The following OTUD5 variants were observed in gnomAD, a reference collection of about 807,000 sequenced individuals.
OTUD5 encodes the protein OTU domain-containing protein 5.
Under a neutral mutation model 36.3 loss-of-function variants are expected in OTUD5, and 2 were observed. That is an observed-to-expected ratio of 0.06 (90% CI 0.02 to 0.17). OTUD5 has a LOEUF of 0.17. Among genes scored for constraint, OTUD5 ranks in the 10% least tolerant of loss-of-function variants. OTUD5 has a pLI of 1.00. For missense variants in OTUD5, 233 were observed against 512.3 expected (o/e 0.45, Z 5.26); for synonymous variants, 234 against 214.9 (o/e 1.09, Z -0.78).
chrX:48,932,064 G>A (rs1396748702), intron 5 of OTUD5, among the ~76,000 whole-genome samples: 8 of 105,459 alleles, frequency 7.6e-5, no homozygotes, highest in Non-Finnish European at 1.5e-4. Flanking sequence ...CAAGAGAATT[G>A]CTTGAACCCG....
At chrX:48,956,933 T>C (rs1557055495) in intron 1 of OTUD5, 44 bp downstream of exon 1, 2 of 1,083,940 alleles carry the variant, frequency 1.8e-6, no homozygotes, top group Admixed American at 6.6e-5. Flanking sequence ...AGTCTGGGGG[T>C]CCCATCTGCC....
chrX:48,925,432 G>A (rs782613816), intron 6 of OTUD5, among the ~76,000 whole-genome samples: 1 of 110,681 alleles, frequency 9.0e-6, no homozygotes, highest in Admixed American at 9.6e-5. Flanking sequence ...ACTAACCGGA[G>A]CCCCCACCTC....
chrX:48,930,266 G>C (rs1235325502), intron 5 of OTUD5, among the ~76,000 whole-genome samples: 2 of 111,922 alleles, frequency 1.8e-5, no homozygotes, highest in Non-Finnish European at 3.8e-5. Context: ...TTCCCACGGG[G>C]GTACGGGTGA....
Position 48,922,841 on chromosome X carries a change from G to A in OTUD5, c.*333C>T, listed in dbSNP as rs2063601996. On this transcript the variant is annotated 3_prime_UTR_variant, in exon 9 of 9. Transcript: ENST00000376488. ...TGTCTGAATGTCTCTCTCCTCTGGG[G>A]CTGCCTGGCTGCCAGTTGGTCTGTC... 6.0e-6 allele frequency: 5 copies of A among 833,379 alleles called. No homozygotes were observed. The highest frequency in any genetic ancestry group is 6.3e-5 in the Admixed American group (1 of 15,986). The allele number at this position is 833,379 out of a possible 1,213,427, so 68.7% of individuals were successfully genotyped here. A position where few individuals can be genotyped will look rare whatever the true frequency, so the allele number is the denominator to read the frequency against.
At chrX:48,928,996 GA>G (rs1557048245) in intron 5 of OTUD5, among the ~76,000 whole-genome samples, 1 of 110,932 alleles carries the variant, frequency 9.0e-6, no homozygotes, top group Non-Finnish European at 1.9e-5. Flanking sequence ...AAACTATTCT[GA>G]ATAATACTGT....
At chrX:48,930,854 C>G (rs943710747) in intron 5 of OTUD5, among the ~76,000 whole-genome samples, 6 of 109,402 alleles carry the variant, frequency 5.5e-5, no homozygotes, top group African/African-American at 2.0e-4. Context: ...CCCAGCTACT[C>G]GGGAGGCTGA....
intron 2 of OTUD5, among the ~76,000 whole-genome samples, chrX:48,938,270 T>C (rs1188040973): frequency 1.8e-5 from 2 of 111,574 alleles, no homozygotes; most frequent in Admixed American, 9.5e-5. Flanking sequence ...GAAGAAAATA[T>C]ACATCTCCAA....
At chrX:48,940,464 C>A (rs2063900957) in intron 2 of OTUD5, 1 of 113,057 alleles carries the variant, frequency 8.8e-6, no homozygotes, top group African/African-American at 3.2e-5. Flanking sequence ...GATCTCAGAT[C>A]CATCCCTCCT....
chrX:48,942,244 T>TACATACACACAC (rs2063939226), intron 2 of OTUD5, among the ~76,000 whole-genome samples: 2 of 57,105 alleles, frequency 3.5e-5, no homozygotes, highest in Non-Finnish European at 6.1e-5. Context: ...CACACACACA[T>TACATACACACAC]ACACACACAC....
chrX:48,924,238 C>T (rs781788838), intron 6 of OTUD5, among the ~76,000 whole-genome samples, 186 bp from the exon 7 acceptor site: 1 of 111,481 alleles, frequency 9.0e-6, no homozygotes, highest in South Asian at 3.7e-4. Flanking sequence ...AGCTCCTTAC[C>T]CTTTCTCTCA....
At chrX:48,940,540 C>T (rs1236245562) in intron 2 of OTUD5, 1 of 111,860 alleles carries the variant, frequency 8.9e-6, no homozygotes, top group Non-Finnish European at 1.9e-5. Context: ...TGGGCCTCAT[C>T]GTGGTAACAT....
At chrX:48,953,362 G>C (rs1557054323) in intron 1 of OTUD5, among the ~76,000 whole-genome samples, 1 of 111,627 alleles carries the variant, frequency 9.0e-6, no homozygotes, top group African/African-American at 3.3e-5. Context: ...GAGGAGCCAG[G>C]AAGAGAGGGG....
chrX:48,952,324 T>C (rs1602432078), intron 1 of OTUD5, among the ~76,000 whole-genome samples: 1 of 112,070 alleles, frequency 8.9e-6, no homozygotes, highest in South Asian at 3.7e-4. Flanking sequence ...AATTGGGGGA[T>C]CATAGCTAAA....
chrX:48,948,263 C>T (rs995986070), intron 1 of OTUD5, among the ~76,000 whole-genome samples: 35 of 112,431 alleles, frequency 3.1e-4, no homozygotes, highest in Middle Eastern at 4.6e-3. Context: ...ACAGGAGAAT[C>T]GCTTGAACTC....
intron 1 of OTUD5, 52 bp from the exon 2 acceptor site, chrX:48,944,335 C>T (rs1484143105): frequency 1.2e-6 from 1 of 838,188 alleles, no homozygotes; most frequent in Non-Finnish European, 1.8e-6. Flanking sequence ...ACTCCCTCCC[C>T]AGGGCCCCGA....
chrX:48,933,370 C>A (rs2063784624), intron 5 of OTUD5, among the ~76,000 whole-genome samples: 1 of 110,053 alleles, frequency 9.1e-6, no homozygotes, highest in Non-Finnish European at 1.9e-5. Flanking sequence ...TATGTTAATA[C>A]ATTAATCATA....
At chrX:48,945,546 A>G (rs2064012709) in intron 1 of OTUD5, among the ~76,000 whole-genome samples, 1 of 110,891 alleles carries the variant, frequency 9.0e-6, no homozygotes, top group Non-Finnish European at 1.9e-5. Context: ...CTGGGATTAC[A>G]GACATGAGCC....
intron 2 of OTUD5, among the ~76,000 whole-genome samples, chrX:48,937,526 G>A (rs959590551): frequency 8.9e-6 from 1 of 112,323 alleles, no homozygotes; most frequent in East Asian, 2.8e-4. Flanking sequence ...TGGGGAAAGA[G>A]AGGAGACTGT....
At chrX:48,947,610 G>A (rs1469476772) in intron 1 of OTUD5, among the ~76,000 whole-genome samples, 5 of 109,330 alleles carry the variant, frequency 4.6e-5, no homozygotes. Flanking sequence ...GGCTGAGGCA[G>A]GAGAATCGCT....
Sources: gnomAD v4.1 joint callset for allele counts (sites outside exome capture counted in the v4.1 genomes callset) on GRCh38, gnomAD v4.1.1 for gene constraint, MANE v1.5 for transcripts, NCBI Gene and HGNC (gene_info 2026-07-23, HGNC 2026-07-21) for gene names.